The following TJP1 variants were observed in gnomAD, a reference collection of about 807,000 sequenced individuals.
The protein encoded by TJP1 is tight junction protein 1.
In TJP1, 43 loss-of-function variants were observed where a neutral mutation model predicts 194.2. The ratio of observed to expected loss-of-function variants is 0.22; its 90% CI spans 0.17 to 0.29. TJP1 has a LOEUF of 0.29. Among genes scored for constraint, TJP1 ranks in the 10% least tolerant of loss-of-function variants. The probability of loss-of-function intolerance (pLI) is 1.00; values close to 1 mark genes in which losing one functional copy is unlikely to be tolerated. For synonymous variants in TJP1, 801 were observed against 779.0 expected, an observed-to-expected ratio of 1.03 and a Z score of -0.47; for missense variants, 1,971 against 2,185.7, an observed-to-expected ratio of 0.90 and a Z score of 1.96.
chr15:29,906,064 C>T (rs1057506428), intron 2 of TJP1, among the ~76,000 whole-genome samples: 5 of 152,090 alleles, frequency 3.3e-5, no homozygotes, highest in Non-Finnish European at 4.4e-5. Context: ...ACTAAAGTAC[C>T]GCTCTGGTGT....
chr15:29,707,268 T>C (rs556727657), intron 25 of TJP1, among the ~76,000 whole-genome samples: 1 of 152,244 alleles, frequency 6.6e-6, no homozygotes, highest in East Asian at 1.9e-4. Context: ...ATCAACTTCC[T>C]GAAAGTACAG....
At chr15:29,771,797 T>TC (rs1286736112) in intron 4 of TJP1, among the ~76,000 whole-genome samples, 4 of 146,544 alleles carry the variant, frequency 2.7e-5, no homozygotes, top group Non-Finnish European at 6.0e-5. Flanking sequence ...AGAGCGAGAC[T>TC]CCGTCTCAAA....
Position 29,716,619 on chromosome 15 carries a change from A to G in TJP1, c.4194T>C (p.Tyr1398=), listed in dbSNP as rs2042579589. The part of the protein sequence containing the change: ...HSQNQSNFSS[Y]SSKGKPPEAD... Reference sequence around the variant, plus strand: ...CAGGTGAAATAGCTTACTTTGAAGAATAACTAGAAAAATTTGATTGATTCT... The same window carrying G: ...CAGGTGAAATAGCTTACTTTGAAGAGTAACTAGAAAAATTTGATTGATTCT... Residue 1398 remains tyrosine (Y), a synonymous_variant, in exon 23 of 28, where the codon TAT becomes TAC. Coordinates refer to ENST00000614355, the MANE Select transcript of TJP1 (RefSeq NM_001330239.4). The G allele has an allele frequency of 6.2e-6, 10 of 1,611,818 alleles. 1 individual carries two copies. Among genetic ancestry groups the G allele is most frequent in the South Asian group, 5.5e-5 (5 of 90,958 alleles).
chr15:29,833,286 G>A (rs887286898), intron 2 of TJP1, among the ~76,000 whole-genome samples: 11 of 152,084 alleles, frequency 7.2e-5, no homozygotes, highest in Non-Finnish European at 1.3e-4. Context: ...AATAATATAC[G>A]TATAAGGATT....
At chr15:29,725,589 G>A (rs1469562873) in intron 18 of TJP1, among the ~76,000 whole-genome samples, 4 of 151,352 alleles carry the variant, frequency 2.6e-5, no homozygotes, top group African/African-American at 9.7e-5. Context: ...AAAAAAAAAA[G>A]CTTCCCTCAA....
chr15:29,790,672 T>TTC lies in TJP1; in HGVS notation c.84+9972_84+9973dup, dbSNP rs147307924. Among the ~76,000 whole-genome samples, 1,390 of 152,138 alleles carry TTC rather than the reference T, an allele frequency of 9.1e-3. 21 individuals are homozygous for TTC. Among genetic ancestry groups the TTC allele is most frequent in the African/African-American group, 0.029 (1,185 of 41,512 alleles). Reference sequence around the variant, plus strand: ...TATTTTTGCACCCATTAACCAAGTCTTCCATCCCTACTTCCCTACCACCCT... The same window carrying TTC: ...TATTTTTGCACCCATTAACCAAGTCTTCTCCATCCCTACTTCCCTACCACCCT... On this transcript the variant is annotated intron_variant, in intron 2 of 27. Transcript: ENST00000614355.
intron 2 of TJP1, among the ~76,000 whole-genome samples, chr15:29,947,676 T>C (rs2055330964): frequency 6.6e-6 from 1 of 152,150 alleles, no homozygotes; most frequent in African/African-American, 2.4e-5. Flanking sequence ...TAGAGAGATG[T>C]CCCTGGGGAG....
chr15:29,900,395 G>A (rs1012993771), intron 2 of TJP1, among the ~76,000 whole-genome samples: 9 of 152,298 alleles, frequency 5.9e-5, no homozygotes, highest in African/African-American at 2.2e-4. Context: ...GTTCTCTGAG[G>A]GGTGCAGTGG....
intron 12 of TJP1, 42 bp from the exon 13 acceptor site, chr15:29,733,355 G>A: frequency 7.4e-7 from 1 of 1,348,652 alleles, no homozygotes. Context: ...TATTTAGTGG[G>A]ATAACAATCT....
intron 2 of TJP1, among the ~76,000 whole-genome samples, chr15:29,900,127 TG>T (rs1235179510): frequency 6.6e-6 from 1 of 152,104 alleles, no homozygotes; most frequent in Non-Finnish European, 1.5e-5. Flanking sequence ...GAAATGAGAC[TG>T]GAAGTAGTGA....
chr15:29,738,703 C>T (rs1221828809), intron 10 of TJP1, among the ~76,000 whole-genome samples: 1 of 151,760 alleles, frequency 6.6e-6, no homozygotes, highest in Non-Finnish European at 1.5e-5. Context: ...GTACTGAAAC[C>T]TCTTTAAATA....
chr15:29,939,689 A>G (rs1251229135), intron 2 of TJP1, among the ~76,000 whole-genome samples: 2 of 152,238 alleles, frequency 1.3e-5, no homozygotes, highest in East Asian at 3.9e-4. Flanking sequence ...TGATGGTATT[A>G]GGAGGTGGGG....
chr15:29,842,588 T>G (rs10400828), intron 2 of TJP1, among the ~76,000 whole-genome samples: 26,400 of 152,074 alleles, frequency 0.17, 2,625 homozygotes, highest in Admixed American at 0.22. Flanking sequence ...GGGGAGACCA[T>G]GCAAACTCCA....
At chr15:29,939,259 A>G (rs2054986119) in intron 2 of TJP1, among the ~76,000 whole-genome samples, 1 of 152,184 alleles carries the variant, frequency 6.6e-6, no homozygotes, top group Admixed American at 6.5e-5. Flanking sequence ...GCTTCATGAC[A>G]TACGATCTTT....
intron 27 of TJP1, 59 bp from the exon 28 acceptor site, chr15:29,701,748 T>G: frequency 7.8e-7 from 1 of 1,278,862 alleles, no homozygotes; most frequent in Non-Finnish European, 1.1e-6. Flanking sequence ...TCCGTAATGC[T>G]TTGCAATTAT....
intron 2 of TJP1, chr15:29,956,214 AT>A (rs1340743150): frequency 8.1e-7 from 1 of 1,229,354 alleles, no homozygotes; most frequent in Non-Finnish European, 1.0e-6. Flanking sequence ...TGAGAAAAGC[AT>A]TGATCAGTCC....
chr15:29,759,543 T>C (rs1473019053), intron 8 of TJP1: 1 of 152,206 alleles, frequency 6.6e-6, no homozygotes, highest in East Asian at 1.9e-4. Context: ...TTAACTCTTG[T>C]CACTACACTG....
At chr15:29,728,240 C>A in intron 15 of TJP1, 1 of 433,656 alleles carries the variant, frequency 2.3e-6, no homozygotes. Flanking sequence ...AAAAACTTAG[C>A]CATTAAAGAA....
At position 29,880,118 on chromosome 15, in the gene TJP1, TTC is replaced by T. The variant is rs1460695751; in HGVS notation, c.306+76112_306+76113del. Among the ~76,000 whole-genome samples the T allele has an allele frequency of 2.0e-5, 3 of 147,754 alleles. No homozygotes were observed. The Admixed American group carries it at 2.1e-4, about 10-fold the overall frequency. The stretch of plus-strand genomic sequence containing the variant: ...TCCTCTCCACTACATCTTCAATAAT[TTC>T]TCTCTTGGTGCAATTTTTTTCAACA... On this transcript the variant is annotated intron_variant, in intron 2 of 28. Transcript: ENST00000356107.
Sources: gnomAD v4.1 joint callset for allele counts (sites outside exome capture counted in the v4.1 genomes callset) on GRCh38, gnomAD v4.1.1 for gene constraint, MANE v1.5 for transcripts, NCBI Gene and HGNC (gene_info 2026-07-23, HGNC 2026-07-21) for gene names.